MAP3K20: variants seen among roughly 807,000 people sequenced by gnomAD.
The protein encoded by MAP3K20 is mitogen-activated protein kinase kinase kinase 20.
A neutral mutation model predicts 85.7 loss-of-function variants in MAP3K20; 40 were observed. That is an observed-to-expected ratio of 0.47 (90% CI 0.36 to 0.61). MAP3K20 has a LOEUF of 0.61. MAP3K20 is among the 20% of genes least tolerant of loss of function. The pLI, the probability that MAP3K20 is intolerant of heterozygous loss-of-function variation, is 0.00. For missense variants in MAP3K20, 817 were observed against 961.7 expected (o/e 0.85, Z 1.99); for synonymous variants, 325 against 327.7 (o/e 0.99, Z 0.09).
chr2:173,076,221 C>T (rs1317976233), intron 1 of MAP3K20, among the ~76,000 whole-genome samples: 1 of 151,772 alleles, frequency 6.6e-6, no homozygotes, highest in Non-Finnish European at 1.5e-5. Flanking sequence ...GTTCGCGGCG[C>T]CCGGGAAGTC....
rs1449928226 is a variant in MAP3K20 at position 173,190,817 on chromosome 2, G to A, written c.416-78G>A. ...TCCCATATTGAAGACAGAAATAGAA[G>A]TTTATGGTTTTTTTCAGTAGAAGAC... On this transcript the variant is annotated intron_variant, in intron 5 of 19. Transcript: ENST00000375213. The A allele has an allele frequency of 2.4e-6, 3 of 1,273,298 alleles. No homozygotes were observed. In the East Asian group the frequency reaches 7.0e-5, roughly 30 times the overall value. The allele number at this position is 1,273,298 out of a possible 1,614,324, so 78.9% of individuals were successfully genotyped here.
intron 16 of MAP3K20, among the ~76,000 whole-genome samples, chr2:173,247,024 C>T (rs1161703691): frequency 6.6e-6 from 1 of 152,162 alleles, no homozygotes; most frequent in African/African-American, 2.4e-5. Flanking sequence ...ATTACTGATG[C>T]CCACAAAGTG....
At chr2:173,202,854 CTTTGA>C (rs1030253478) in intron 8 of MAP3K20, among the ~76,000 whole-genome samples, 3 of 152,066 alleles carry the variant, frequency 2.0e-5, no homozygotes, top group East Asian at 1.9e-4. Flanking sequence ...ATCAATAAGC[CTTTGA>C]TTTATTTTAT....
Position 173,198,153 on chromosome 2 carries a change from AC to A in MAP3K20, c.669+42del. The A allele has an allele frequency of 1.3e-6, 2 of 1,562,332 alleles. No homozygotes were observed. Among genetic ancestry groups the A allele is most frequent in the Non-Finnish European group, 1.8e-6 (2 of 1,141,818 alleles). Reference sequence around the variant, plus strand: ...TCCATTCAGGTACATAGATCAGAAAACAGTATTGGGGTTTTGCAAAAGACTT... The same window carrying A: ...TCCATTCAGGTACATAGATCAGAAAAAGTATTGGGGTTTTGCAAAAGACTT... On this transcript the variant is annotated intron_variant, in intron 8 of 19. Transcript: ENST00000375213. The surrounding 1 kb of genome is among the most constrained non-coding windows in gnomAD (Gnocchi z 5.8).
intron 16 of MAP3K20, among the ~76,000 whole-genome samples, chr2:173,248,034 G>A (rs1453657446): frequency 6.6e-6 from 1 of 152,192 alleles, no homozygotes; most frequent in Non-Finnish European, 1.5e-5. Context: ...CAGAGCACAG[G>A]GTGTGCAGGC....
intron 1 of MAP3K20, among the ~76,000 whole-genome samples, chr2:173,085,095 G>A: frequency 6.6e-6 from 1 of 152,180 alleles, no homozygotes; most frequent in East Asian, 1.9e-4. Flanking sequence ...TTTTATTTAT[G>A]CATCTGGAAA....
chr2:173,222,676 T>C, intron 11 of MAP3K20: 1 of 985,074 alleles, frequency 1.0e-6, no homozygotes, highest in Middle Eastern at 5.2e-4. Flanking sequence ...ATAAAAGAAA[T>C]AGTAAAGATA....
chr2:173,232,214 T>A lies in MAP3K20; in HGVS notation c.1055T>A (p.Val352Asp). ...CAGTATTGTTGGGTTCAGCAGCTCG[T>A]CAGAAAAGGCAAGTGGAATAAGTTA... ...DDVYCWVQQL[V>D]RKGDSSAEMS... The change falls in exon 13 of 20, where the codon GTC becomes GAC. Residue 352 changes from valine (V) to aspartate (D), a missense_variant. Coordinates refer to ENST00000375213, the MANE Select transcript of MAP3K20 (RefSeq NM_016653.3). 1 of 1,614,222 alleles carries A rather than the reference T, an allele frequency of 6.2e-7. No homozygotes were observed.
chr2:173,134,410 A>AT (rs1688724960), intron 2 of MAP3K20, among the ~76,000 whole-genome samples: 2 of 5,662 alleles, frequency 3.5e-4, no homozygotes, highest in South Asian at 4.2e-3. Context: ...ATATATATAT[A>AT]TATATATATA....
At chr2:173,090,192 T>G (rs1687252701) in intron 1 of MAP3K20, among the ~76,000 whole-genome samples, 1 of 152,208 alleles carries the variant, frequency 6.6e-6, no homozygotes, top group South Asian at 2.1e-4. Flanking sequence ...TAATCTATGG[T>G]TTGGCATACA....
chr2:173,259,559 G>C (rs62174396), intron 17 of MAP3K20, among the ~76,000 whole-genome samples: 20,240 of 152,196 alleles, frequency 0.13, 1,413 homozygotes, highest in Middle Eastern at 0.17. Context: ...TATTCACCAG[G>C]TCTTTGGTTT....
At chr2:173,221,317 T>C in intron 11 of MAP3K20, 1 of 1,613,910 alleles carries the variant, frequency 6.2e-7, no homozygotes. Context: ...GCTTTGGGGA[T>C]ATCTTCTCAA....
At chr2:173,100,513 C>T (rs1418595669) in intron 2 of MAP3K20, among the ~76,000 whole-genome samples, 1 of 152,138 alleles carries the variant, frequency 6.6e-6, no homozygotes, top group African/African-American at 2.4e-5. Context: ...TTTTGTTCAT[C>T]TAGGAAATGT....
intron 2 of MAP3K20, among the ~76,000 whole-genome samples, chr2:173,105,357 G>C (rs1687754508): frequency 6.6e-6 from 1 of 152,162 alleles, no homozygotes; most frequent in Admixed American, 6.5e-5. Context: ...ACGTCTCAGA[G>C]GTTTTGCACT....
At position 173,117,524 on chromosome 2, in the gene MAP3K20, C is replaced by T. The variant is rs567059029; in HGVS notation, c.159+26334C>T. 7.9e-5 allele frequency among the ~76,000 whole-genome samples: 12 copies of T among 152,282 alleles called. No homozygotes were observed. The South Asian group carries it at 1.9e-3, about 24-fold the overall frequency. On this transcript the variant is annotated intron_variant, in intron 2 of 19. Coordinates refer to ENST00000375213, the MANE Select transcript of MAP3K20 (RefSeq NM_016653.3). ...CGAACTCCTGGGCTCGACTGATCTTCCTGCCTTGACCTCCCAAATTGTTGG... is the reference window on the plus strand; with the variant it reads ...CGAACTCCTGGGCTCGACTGATCTTTCTGCCTTGACCTCCCAAATTGTTGG...
intron 16 of MAP3K20, among the ~76,000 whole-genome samples, chr2:173,254,611 G>C (rs371292063): frequency 6.6e-6 from 1 of 152,096 alleles, no homozygotes; most frequent in East Asian, 1.9e-4. Flanking sequence ...TATTTGTAAT[G>C]ATAGCCTTTT....
chr2:173,261,743 G>A (rs757275487), intron 18 of MAP3K20, among the ~76,000 whole-genome samples: 3 of 152,138 alleles, frequency 2.0e-5, no homozygotes, highest in Non-Finnish European at 4.4e-5. Context: ...TCGTCCAGGC[G>A]CAGTGGCTCA....
chr2:173,161,513 T>C (rs937798899), intron 2 of MAP3K20, among the ~76,000 whole-genome samples: 3 of 152,166 alleles, frequency 2.0e-5, no homozygotes, highest in Non-Finnish European at 4.4e-5. Context: ...CAAATACTGT[T>C]CATTCATCCT....
chr2:173,240,706 AAGG>A (rs1479446165), intron 16 of MAP3K20, among the ~76,000 whole-genome samples: 2 of 152,222 alleles, frequency 1.3e-5, no homozygotes, highest in Non-Finnish European at 2.9e-5. Flanking sequence ...GATGTGGAGA[AAGG>A]AGAACCTTCG....
Sources: allele counts gnomAD v4.1 joint callset (sites outside exome capture counted in the v4.1 genomes callset), GRCh38; gene constraint gnomAD v4.1.1; non-coding constraint Gnocchi (gnomAD v3.1); transcripts MANE v1.5; gene names NCBI Gene and HGNC (gene_info 2026-07-23, HGNC 2026-07-21).